TRPM7: variants seen among roughly 807,000 people sequenced by gnomAD.
TRPM7 encodes the protein transient receptor potential cation channel subfamily M member 7.
Under a neutral mutation model 229.7 loss-of-function variants are expected in TRPM7, and 134 were observed. The observed-to-expected ratio is 0.58, with a 90% confidence interval of 0.51 to 0.67. The LOEUF (loss-of-function observed/expected upper bound fraction) is 0.67, where lower values mean the gene tolerates loss of function less well. Among genes scored for constraint, TRPM7 ranks in the 30% least tolerant of loss-of-function variants. The pLI is 0.00. For synonymous variants in TRPM7, 699 were observed against 715.2 expected (o/e 0.98, Z 0.36); for missense variants, 1,901 against 2,210.0 (o/e 0.86, Z 2.80).
At chr15:50,605,412 T>C (rs1447724887) in intron 20 of TRPM7, among the ~76,000 whole-genome samples, 2 of 152,210 alleles carry the variant, frequency 1.3e-5, no homozygotes, top group Admixed American at 6.5e-5. Context: ...TAGACCTGGA[T>C]TGTAAAATAC....
At chr15:50,641,062 C>T (rs2140759631) in intron 5 of TRPM7, among the ~76,000 whole-genome samples, 1 of 152,250 alleles carries the variant, frequency 6.6e-6, no homozygotes, top group African/African-American at 2.4e-5. Context: ...ACATCTCATC[C>T]CTCACCCAAA....
intron 12 of TRPM7, among the ~76,000 whole-genome samples, chr15:50,620,154 T>C (rs623722): frequency 0.08 from 12,125 of 152,278 alleles, 578 homozygotes; most frequent in South Asian, 0.12. Context: ...TAAAGTCATA[T>C]TGAGACTTTA....
At chr15:50,642,809 G>A (rs1030057670) in intron 5 of TRPM7, among the ~76,000 whole-genome samples, 2 of 151,906 alleles carry the variant, frequency 1.3e-5, no homozygotes, top group Admixed American at 6.6e-5. Context: ...GGTTTGGGCT[G>A]GATTTGGCAC....
At chr15:50,676,930 G>C (rs2062107283) in intron 1 of TRPM7, among the ~76,000 whole-genome samples, 1 of 152,160 alleles carries the variant, frequency 6.6e-6, no homozygotes. Context: ...GCAGCCTCCA[G>C]GCAGCCCAGC....
At chr15:50,568,320 GA>G (rs568544151) in intron 38 of TRPM7, among the ~76,000 whole-genome samples, 49 of 131,290 alleles carry the variant, frequency 3.7e-4, no homozygotes, top group African/African-American at 3.9e-4. Context: ...AAAAAGTCAA[GA>G]AAAAAAAAAA....
rs1459282954 is a variant in TRPM7, at chr15:50,561,522, G to C, written c.*156C>G. 1 of 746,338 alleles carries C rather than the reference G, an allele frequency of 1.3e-6. No individual in the cohort carries two copies. The highest frequency in any genetic ancestry group is 2.1e-6 in the Non-Finnish European group (1 of 479,232). 46.2% of individuals were successfully genotyped at this position (746,338 alleles called of 1,614,324 possible). A position where few individuals can be genotyped will look rare whatever the true frequency, so the allele number is the denominator to read the frequency against. On this transcript the variant is annotated 3_prime_UTR_variant, in exon 39 of 39. Coordinates refer to ENST00000646667, the MANE Select transcript of TRPM7 (RefSeq NM_017672.6). ...AGGGACTTTCTGACTGATTAATCAG[G>C]TCAAAAGAATATTGACCTTTTAACT...
At chr15:50,599,510 C>T (rs2059719973) in intron 21 of TRPM7, 1 of 396,854 alleles carries the variant, frequency 2.5e-6, no homozygotes, top group Non-Finnish European at 4.4e-6. Flanking sequence ...ATCTATTAAG[C>T]TAAGCAAGTC....
intron 1 of TRPM7, among the ~76,000 whole-genome samples, chr15:50,684,266 C>T (rs2062309253): frequency 6.6e-6 from 1 of 151,840 alleles, no homozygotes; most frequent in African/African-American, 2.4e-5. Context: ...GATTCTCCTG[C>T]CTTAGCCTCC....
chr15:50,613,959 T>C, intron 14 of TRPM7, 118 bp from the exon 15 acceptor site: 1 of 1,379,728 alleles, frequency 7.2e-7, no homozygotes, highest in Non-Finnish European at 9.9e-7. Context: ...AAAATATGAC[T>C]GATTTAGGAT....
intron 38 of TRPM7, among the ~76,000 whole-genome samples, chr15:50,564,033 ATATT>A (rs2053450686): frequency 6.6e-6 from 1 of 151,772 alleles, no homozygotes. Flanking sequence ...GCCAATTTTT[ATATT>A]TTTAGTAGAG....
intron 1 of TRPM7, among the ~76,000 whole-genome samples, chr15:50,668,509 T>C (rs573835182): frequency 6.6e-6 from 1 of 152,250 alleles, no homozygotes; most frequent in Non-Finnish European, 1.5e-5. Flanking sequence ...GATTTGTTTT[T>C]GTTTTTTGTT....
intron 2 of TRPM7, among the ~76,000 whole-genome samples, chr15:50,661,161 G>C (rs946889214): frequency 6.6e-6 from 1 of 151,956 alleles, no homozygotes; most frequent in Non-Finnish European, 1.5e-5. Context: ...ATTTTTAGTA[G>C]AGACAGTGTT....
intron 10 of TRPM7, among the ~76,000 whole-genome samples, chr15:50,631,209 T>C (rs1349514030): frequency 6.6e-6 from 1 of 152,218 alleles, no homozygotes; most frequent in Non-Finnish European, 1.5e-5. Context: ...TTTTAAATTC[T>C]ACAAGATTAA....
chr15:50,684,484 T>C (rs535675789), intron 1 of TRPM7, among the ~76,000 whole-genome samples: 23 of 151,648 alleles, frequency 1.5e-4, no homozygotes, highest in East Asian at 5.8e-4. Context: ...CCACTAAAAA[T>C]ACAAAAATTA....
intron 1 of TRPM7, among the ~76,000 whole-genome samples, chr15:50,670,417 T>C (rs1425249644): frequency 2.0e-5 from 3 of 151,896 alleles, no homozygotes; most frequent in African/African-American, 7.3e-5. Context: ...ATAAAACAGG[T>C]TGCACTAAAA....
At chr15:50,602,871 A>C (rs1253281790) in intron 21 of TRPM7, among the ~76,000 whole-genome samples, 3 of 152,194 alleles carry the variant, frequency 2.0e-5, no homozygotes, top group African/African-American at 7.2e-5. Flanking sequence ...ATCCTAGCAG[A>C]GGGTGGTTCT....
Position 50,594,625 on chromosome 15 carries a change from A to G in TRPM7, c.3291-12T>C. 1.3e-6 allele frequency: 2 copies of G among 1,519,558 alleles called. No homozygotes were observed. The highest frequency in any genetic ancestry group is 1.8e-6 in the Non-Finnish European group (2 of 1,124,014). The allele number at this position is 1,519,558 out of a possible 1,614,324, so 94.1% of individuals were successfully genotyped here. ...GTAAATACACATTGCTAGAGAAATA[A>G]TGAATAAAAATAAAATAAACTTTGT... is the stretch of plus-strand genomic sequence containing the variant. On this transcript the variant is annotated splice_polypyrimidine_tract_variant and intron_variant, in intron 23 of 38. Coordinates refer to ENST00000646667, the MANE Select transcript of TRPM7 (RefSeq NM_017672.6).
chr15:50,606,525 G>GT (rs1400321549), intron 20 of TRPM7, among the ~76,000 whole-genome samples: 1 of 152,090 alleles, frequency 6.6e-6, no homozygotes, highest in African/African-American at 2.4e-5. Flanking sequence ...TTGAGATAGA[G>GT]TATCACTCTT....
intron 1 of TRPM7, among the ~76,000 whole-genome samples, chr15:50,666,273 C>A (rs923302254): frequency 1.3e-5 from 2 of 150,436 alleles, no homozygotes; most frequent in East Asian, 2.0e-4. Flanking sequence ...CCCATCTCTA[C>A]GAAAAATACA....
Sources: gnomAD v4.1 joint callset for allele counts (sites outside exome capture counted in the v4.1 genomes callset) on GRCh38, gnomAD v4.1.1 for gene constraint, MANE v1.5 for transcripts, NCBI Gene and HGNC (gene_info 2026-07-23, HGNC 2026-07-21) for gene names.